STK24: variants seen among roughly 807,000 people sequenced by gnomAD.
The protein encoded by STK24 is serine/threonine kinase 24.
In STK24, 21 loss-of-function variants were observed where a neutral mutation model predicts 55.6. That is an observed-to-expected ratio of 0.38 (90% CI 0.27 to 0.54). STK24 has a LOEUF of 0.54. STK24 is among the 20% of genes least tolerant of loss of function. The probability of loss-of-function intolerance (pLI) is 0.79; values close to 1 mark genes in which losing one functional copy is unlikely to be tolerated. For synonymous variants in STK24, 200 were observed against 215.2 expected (o/e 0.93, Z 0.62); for missense variants, 383 against 538.4 (o/e 0.71, Z 2.86).
chr13:98,535,920 T>G (rs1470893005), intron 1 of STK24, among the ~76,000 whole-genome samples: 2 of 152,226 alleles, frequency 1.3e-5, no homozygotes, highest in African/African-American at 4.8e-5. Flanking sequence ...CCTTCCTGTA[T>G]TTTACAAGAA....
At chr13:98,507,915 A>C (rs1222396196) in intron 2 of STK24, among the ~76,000 whole-genome samples, 1 of 152,154 alleles carries the variant, frequency 6.6e-6, no homozygotes. Flanking sequence ...TAAAACCTCT[A>C]TTCCACCAAG....
chr13:98,541,005 A>C (rs1334222929), intron 1 of STK24, among the ~76,000 whole-genome samples: 1 of 152,164 alleles, frequency 6.6e-6, no homozygotes, highest in Non-Finnish European at 1.5e-5. Context: ...GTGATTTAGC[A>C]GGAGACAAAA....
At chr13:98,466,757 T>A (rs572860595) in intron 5 of STK24, among the ~76,000 whole-genome samples, 196 bp from the exon 6 acceptor site, 15 of 152,382 alleles carry the variant, frequency 9.8e-5, no homozygotes, top group African/African-American at 3.6e-4. Context: ...GCCAAATGTT[T>A]TCTGCCTCTA....
intron 2 of STK24, among the ~76,000 whole-genome samples, chr13:98,518,186 T>A (rs1250732169): frequency 3.3e-5 from 5 of 152,260 alleles, no homozygotes; most frequent in Non-Finnish European, 7.3e-5. Context: ...GGATCACTGC[T>A]CAATTTTGAT....
chr13:98,471,440 G>A (rs1007958987), intron 5 of STK24, among the ~76,000 whole-genome samples: 3 of 152,166 alleles, frequency 2.0e-5, no homozygotes, highest in South Asian at 2.1e-4. Flanking sequence ...TGTTGAAACC[G>A]GAGGCTTCTT....
chr13:98,509,137 T>C (rs1895791826), intron 2 of STK24, among the ~76,000 whole-genome samples: 1 of 152,152 alleles, frequency 6.6e-6, no homozygotes, highest in Admixed American at 6.5e-5. Context: ...AATAAACACA[T>C]TAAACTATAG....
At chr13:98,455,709 G>A (rs1893425058) in intron 10 of STK24, 1 of 152,244 alleles carries the variant, frequency 6.6e-6, no homozygotes, top group South Asian at 2.1e-4. Context: ...GTGCCCTGGA[G>A]CTGCCCTGGG....
intron 1 of STK24, among the ~76,000 whole-genome samples, chr13:98,529,862 T>C (rs994195902): frequency 1.3e-5 from 2 of 152,102 alleles, no homozygotes; most frequent in Non-Finnish European, 2.9e-5. Flanking sequence ...AGAGGCAAGA[T>C]CATGGCTACC....
chr13:98,511,512 C>T (rs1356115214), intron 2 of STK24, among the ~76,000 whole-genome samples: 3 of 152,206 alleles, frequency 2.0e-5, no homozygotes, highest in Non-Finnish European at 4.4e-5. Context: ...ATATTCATAG[C>T]AACACTGTTC....
chr13:98,494,262 T>C (rs899590582), intron 2 of STK24, among the ~76,000 whole-genome samples: 1 of 148,592 alleles, frequency 6.7e-6, no homozygotes. Context: ...ATACAAAAAT[T>C]AGCCGGGCGT....
At chr13:98,556,107 CTA>C (rs1157715787) in intron 1 of STK24, among the ~76,000 whole-genome samples, 2 of 152,200 alleles carry the variant, frequency 1.3e-5, no homozygotes. Flanking sequence ...AGGAAGAACT[CTA>C]TCTTTCCTGA....
intron 2 of STK24, among the ~76,000 whole-genome samples, chr13:98,515,699 A>G (rs754874041): frequency 5.3e-5 from 8 of 152,210 alleles, no homozygotes; most frequent in African/African-American, 1.9e-4. Flanking sequence ...CCACTTCTCT[A>G]TTGTTTTAAA....
In STK24 at chr13:98,457,261, A is replaced by G. The variant is rs768573549; in HGVS notation, c.1166T>C (p.Ile389Thr). The stretch of plus-strand genomic sequence containing the variant: ...GTAGATGGCCCCTCGCAGCTCTTCA[A>G]TGGACCCCAAGTTCCCTCCGCACGC... ...SQACGGNLGS[I>T]EELRGAIYLA... The change falls in exon 10 of 11, where the codon ATT becomes ACT. Residue 389 changes from isoleucine (I) to threonine (T), a missense_variant. By Grantham distance (89) the Ile-to-Thr change is moderately conservative. Coordinates refer to ENST00000539966, the MANE Select transcript of STK24 (RefSeq NM_001032296.4). 5.0e-6 allele frequency: 8 copies of G among 1,613,894 alleles called. No individual in the cohort carries two copies. The highest frequency in any genetic ancestry group is 2.7e-5 in the African/African-American group (2 of 75,028).
At chr13:98,538,281 G>A (rs1391723100) in intron 1 of STK24, among the ~76,000 whole-genome samples, 7 of 131,386 alleles carry the variant, frequency 5.3e-5, no homozygotes, top group African/African-American at 2.0e-4. Flanking sequence ...GCTTGAGTAC[G>A]GTGGCATGAT....
Position 98,446,586 on chromosome 13 carries a change from T to C in STK24, c.*6587A>G. The C allele has an allele frequency of 6.8e-7, 1 of 1,479,694 alleles. No individual in the cohort carries two copies. Among genetic ancestry groups the C allele is most frequent in the Non-Finnish European group, 9.3e-7 (1 of 1,070,440 alleles). The allele number at this position is 1,479,694 out of a possible 1,614,324, so 91.7% of individuals were successfully genotyped here. ...GGAGCTGCCTGGGCTCCCAAGTCCC[T>C]GTCTGATGCGGGGCAGCAGCCAGGC... On this transcript the variant is annotated 3_prime_UTR_variant, in exon 11 of 11. Coordinates refer to ENST00000539966, the MANE Select transcript of STK24 (RefSeq NM_001032296.4).
chr13:98,576,102 G>C (rs1041728911), intron 1 of STK24: 4 of 984,884 alleles, frequency 4.1e-6, no homozygotes, highest in South Asian at 9.4e-5. Flanking sequence ...GCGGCTGTCC[G>C]AGGGATTCCT....
At chr13:98,473,714 T>C (rs1408104937) in intron 5 of STK24, among the ~76,000 whole-genome samples, 3 of 152,192 alleles carry the variant, frequency 2.0e-5, no homozygotes, top group Admixed American at 6.5e-5. Flanking sequence ...AAGGCCATCA[T>C]AGTGCTCAGA....
chr13:98,540,763 C>CAAAAAA (rs35957882), intron 1 of STK24, among the ~76,000 whole-genome samples: 19 of 58,872 alleles, frequency 3.2e-4, no homozygotes, highest in South Asian at 7.2e-4. Context: ...ATATTAAAAG[C>CAAAAAA]AAAAAAAAAA....
At chr13:98,456,397 C>G in intron 10 of STK24, 2 of 450,986 alleles carry the variant, frequency 4.4e-6, no homozygotes, top group South Asian at 3.2e-5. Flanking sequence ...GATGAACTGT[C>G]AAGGCAGCAG....
Sources: allele counts gnomAD v4.1 joint callset (sites outside exome capture counted in the v4.1 genomes callset), GRCh38; gene constraint gnomAD v4.1.1; transcripts MANE v1.5; gene names NCBI Gene and HGNC (gene_info 2026-07-23, HGNC 2026-07-21).